The following CCDC9 variants were observed in gnomAD, a reference collection of about 807,000 sequenced individuals.
The protein encoded by CCDC9 is coiled-coil domain-containing protein 9.
Under a neutral mutation model 65.6 loss-of-function variants are expected in CCDC9, and 52 were observed. The observed-to-expected ratio is 0.79, with a 90% CI of 0.63 to 1.00. CCDC9 has a LOEUF of 1.00. CCDC9 is among the 50% of genes least tolerant of loss of function. CCDC9 has a pLI of 0.00. For missense variants in CCDC9, 834 were observed against 757.2 expected, an observed-to-expected ratio of 1.10 and a Z score of -1.19; for synonymous variants, 332 against 280.3, an observed-to-expected ratio of 1.18 and a Z score of -1.84.
chr19:47,256,967 A>G (rs572783842), intron 1 of CCDC9, among the ~76,000 whole-genome samples: 3 of 143,364 alleles, frequency 2.1e-5, no homozygotes, highest in Admixed American at 7.1e-5. Context: ...AAGTGGGTCC[A>G]GATTCTTGGC....
intron 1 of CCDC9, chr19:47,257,465 G>T (rs1371761519): frequency 1.3e-5 from 2 of 150,272 alleles, no homozygotes; most frequent in Non-Finnish European, 3.0e-5. Flanking sequence ...GGGCCAGAAA[G>T]TTTTTTCCCG....
chr19:47,260,970 G>A, intron 5 of CCDC9, 131 bp downstream of exon 5: 1 of 1,086,732 alleles, frequency 9.2e-7, no homozygotes, highest in East Asian at 2.8e-5. Context: ...CTTTGCATCT[G>A]GCTCTGTTTC....
At chr19:47,265,617 C>G (rs796950454) in intron 7 of CCDC9, among the ~76,000 whole-genome samples, 4 of 151,748 alleles carry the variant, frequency 2.6e-5, no homozygotes, top group African/African-American at 9.7e-5. Flanking sequence ...TGAGGGTTTT[C>G]TTGTTACTAA....
At position 47,270,588 on chromosome 19, in the gene CCDC9, A is replaced by G. The variant is rs1452121200; in HGVS notation, c.985A>G (p.Thr329Ala). Residue 329 changes from threonine (T) to alanine (A), a missense_variant, in exon 10 of 12, where the codon ACT becomes GCT. Thr to Ala is a moderately conservative substitution (Grantham distance 58). Coordinates refer to ENST00000221922, the MANE Select transcript of CCDC9 (RefSeq NM_015603.3). ...QAWARPPKPP[T>A]FGEFLSQHKA... ...CTGGGCCCGGCCCCCGAAGCCCCCT[A>G]CTTTTGGGGAGTTCCTGTCCCAGCA... The G allele has an allele frequency of 5.0e-6, 8 of 1,613,626 alleles. No individual in the cohort carries two copies. The highest frequency in any genetic ancestry group is 6.8e-6 in the Non-Finnish European group (8 of 1,179,986).
At chr19:47,265,008 G>A in intron 7 of CCDC9, 62 bp downstream of exon 7, 1 of 1,352,486 alleles carries the variant, frequency 7.4e-7, no homozygotes, top group Non-Finnish European at 9.6e-7. Context: ...CTGCATAGCA[G>A]GAACCAGACA....
At chr19:47,271,223 G>GGT (rs1440021437) in intron 11 of CCDC9, 36 bp downstream of exon 11, 1 of 1,607,638 alleles carries the variant, frequency 6.2e-7, no homozygotes, top group Non-Finnish European at 8.5e-7. Flanking sequence ...ACGGGCCTGG[G>GGT]GTGGGGGCTC....
chr19:47,265,965 C>T (rs1374269593), intron 7 of CCDC9, among the ~76,000 whole-genome samples: 3 of 126,348 alleles, frequency 2.4e-5, no homozygotes, highest in East Asian at 2.6e-4. Flanking sequence ...AGATTACAGG[C>T]GTGAGCCACC....
chr19:47,265,987 T>TTTC (rs2059079638), intron 7 of CCDC9, among the ~76,000 whole-genome samples: 2 of 60,414 alleles, frequency 3.3e-5, no homozygotes, highest in African/African-American at 1.3e-4. Flanking sequence ...CTCCTGGCTT[T>TTTC]TTTTTTTTTT....
intron 10 of CCDC9, 83 bp from the exon 11 acceptor site, chr19:47,270,999 T>C: frequency 1.9e-6 from 2 of 1,054,972 alleles, no homozygotes; most frequent in Non-Finnish European, 2.8e-6. Context: ...GGGCAGCTCC[T>C]CCCTAGGGAG....
intron 2 of CCDC9, 30 bp from the exon 3 acceptor site, chr19:47,258,529 T>C: frequency 6.2e-7 from 1 of 1,601,132 alleles, no homozygotes; most frequent in Non-Finnish European, 8.6e-7. Flanking sequence ...AGGTTTTTCC[T>C]TCCATCCCTC....
rs747828617 is a variant in CCDC9 at position 47,260,403 on chromosome 19, A to G, written c.191A>G (p.Glu64Gly). The G allele has an allele frequency of 2.5e-6, 4 of 1,607,608 alleles. No homozygotes were observed. Among genetic ancestry groups the G allele is most frequent in the Admixed American group, 3.4e-5 (2 of 59,178 alleles). The change falls in exon 4 of 12, where the codon GAG (glutamate) becomes GGG (glycine). Residue 64 changes from glutamate to glycine, a missense_variant. Coordinates refer to ENST00000221922, the MANE Select transcript of CCDC9 (RefSeq NM_015603.3). ...APRKGRSVEK[E>G]NVAVESEKNL... Reference sequence around the variant, plus strand: ...CGAAAGGGCCGCTCAGTGGAGAAGGAGAACGTGGCAGTGGAGTCGGTGAGC... The same window carrying G: ...CGAAAGGGCCGCTCAGTGGAGAAGGGGAACGTGGCAGTGGAGTCGGTGAGC...
At chr19:47,270,342 ATCT>A (rs2059107690) in intron 8 of CCDC9, 62 bp from the exon 9 acceptor site, 2 of 1,521,244 alleles carry the variant, frequency 1.3e-6, no homozygotes, top group African/African-American at 1.4e-5. Context: ...GACCTCTCCC[ATCT>A]TCTTGATCCT....
chr19:47,275,508 C>A (rs73943650), downstream of CCDC9: 1,035 of 1,045,054 alleles, frequency 9.9e-4, 9 homozygotes, highest in African/African-American at 0.015. Flanking sequence ...GGGGTGTCAG[C>A]TCGGGGCCTT....
downstream of CCDC9, chr19:47,272,198 G>T (rs10412404): frequency 0.43 from 524,718 of 1,207,620 alleles, 116,197 homozygotes; most frequent in East Asian, 0.65. Context: ...GGAGGCCGCT[G>T]CTTCCTCTTT....
At position 47,259,484 on chromosome 19, in the gene CCDC9, G is replaced by C. The variant is rs1268252736; in HGVS notation, c.108+821G>C. Among the ~76,000 whole-genome samples the C allele has an allele frequency of 2.0e-5, 3 of 152,124 alleles. No individual in the cohort carries two copies. In the East Asian group the frequency reaches 5.8e-4, roughly 29 times the overall value. ...AGTGGGAGAGGAGGTACCTGGCTCA[G>C]GGCAGGGCTGTTGAGAGGGACTCAG... is the stretch of plus-strand genomic sequence containing the variant. On this transcript the variant is annotated intron_variant, in intron 3 of 11. Coordinates refer to ENST00000221922, the MANE Select transcript of CCDC9 (RefSeq NM_015603.3).
chr19:47,264,460 T>C, intron 5 of CCDC9, 143 bp from the exon 6 acceptor site: 1 of 742,330 alleles, frequency 1.3e-6, no homozygotes, highest in Non-Finnish European at 2.3e-6. Context: ...ACTGCTGACC[T>C]GGAGCACGCT....
downstream of CCDC9, chr19:47,274,834 AGCGGGGCGGTCT>A: frequency 3.4e-6 from 3 of 871,440 alleles, no homozygotes; most frequent in Non-Finnish European, 4.0e-6. Flanking sequence ...CGGTTTAGAG[AGCGGGGCGGTCT>A]GCGGGGTGGG....
chr19:47,266,318 C>T (rs951200403), intron 7 of CCDC9: 14 of 362,072 alleles, frequency 3.9e-5, no homozygotes, highest in Non-Finnish European at 6.4e-5. Flanking sequence ...GAGGCAGAGC[C>T]CCTGCCTTGA....
Position 47,264,931 on chromosome 19 carries a change from T to C in CCDC9, c.705T>C (p.Leu235=), listed in dbSNP as rs1348019192. Residue 235 remains leucine, a synonymous_variant, in exon 7 of 12, where the codon CTT becomes CTC. Coordinates refer to ENST00000221922, the MANE Select transcript of CCDC9 (RefSeq NM_015603.3). The part of the protein sequence containing the change: ...GPDFERVRCG[L]EHERQGRRAG... ...ACTTCGAGCGGGTGCGCTGTGGCCT[T>C]GAGCACGAGCGGCAGGTGGGTGTTG... 2.8e-6 allele frequency: 4 copies of C among 1,451,630 alleles called. No homozygotes were observed. In the South Asian group the frequency reaches 5.8e-5, roughly 21 times the overall value. 89.9% of individuals were successfully genotyped at this position (1,451,630 alleles called of 1,614,324 possible).
Sources: gnomAD v4.1 joint callset for allele counts (sites outside exome capture counted in the v4.1 genomes callset) on GRCh38, gnomAD v4.1.1 for gene constraint, MANE v1.5 for transcripts, NCBI Gene and HGNC (gene_info 2026-07-23, HGNC 2026-07-21) for gene names.